The following NRG4 variants were observed in gnomAD, a reference collection of about 807,000 sequenced individuals.
The protein encoded by NRG4 is neuregulin 4.
Under a neutral mutation model 15.0 loss-of-function variants are expected in NRG4, and 10 were observed. The ratio of observed to expected loss-of-function variants is 0.67; its 90% CI spans 0.41 to 1.13. The LOEUF (loss-of-function observed/expected upper bound fraction) is 1.13. NRG4 is among the 50% of genes most tolerant of loss of function. The probability of loss-of-function intolerance (pLI) is 0.00; values close to 1 mark genes in which losing one functional copy is unlikely to be tolerated. For synonymous variants in NRG4, 41 were observed against 50.1 expected, an observed-to-expected ratio of 0.82 and a Z score of 0.77; for missense variants, 139 against 140.2, an observed-to-expected ratio of 0.99 and a Z score of 0.04.
chr15:76,029,108 G>C (rs2035400801), intron 5 of NRG4, among the ~76,000 whole-genome samples: 1 of 152,074 alleles, frequency 6.6e-6, no homozygotes, highest in Admixed American at 6.6e-5. Flanking sequence ...ACCTGATCAA[G>C]TGGGATTTAT....
intron 5 of NRG4, among the ~76,000 whole-genome samples, chr15:76,029,753 A>C (rs1439407633): frequency 6.6e-6 from 1 of 152,218 alleles, no homozygotes; most frequent in Non-Finnish European, 1.5e-5. Flanking sequence ...AAAACTATAA[A>C]ATGCTGATGA....
chr15:76,044,418 C>T (rs1322614375), intron 4 of NRG4, among the ~76,000 whole-genome samples: 1 of 150,856 alleles, frequency 6.6e-6, no homozygotes, highest in Admixed American at 6.6e-5. Flanking sequence ...AACTCGACCC[C>T]TATCTCTCAC....
chr15:76,056,904 T>C (rs1486277936), intron 2 of NRG4: 1 of 152,220 alleles, frequency 6.6e-6, no homozygotes, highest in East Asian at 1.9e-4. Flanking sequence ...TATGTGATCC[T>C]GGTACTCTTG....
At chr15:75,944,919 C>CA (rs1267810499) in intron 5 of NRG4, among the ~76,000 whole-genome samples, 4 of 150,592 alleles carry the variant, frequency 2.7e-5, no homozygotes, top group South Asian at 4.2e-4. Flanking sequence ...CTTTTTCTTA[C>CA]AAAAAAACAA....
intron 4 of NRG4, 108 bp downstream of exon 4, chr15:75,961,715 AAACAT>A: frequency 1.3e-6 from 1 of 742,258 alleles, no homozygotes; most frequent in Middle Eastern, 3.0e-4. Flanking sequence ...AGAGATAACT[AAACAT>A]AATACAGTAT....
intron 5 of NRG4, among the ~76,000 whole-genome samples, chr15:76,020,974 T>C (rs767690248): frequency 4.6e-5 from 7 of 152,258 alleles, no homozygotes; most frequent in Non-Finnish European, 7.3e-5. Flanking sequence ...AGATTTTCAC[T>C]GTAGAACAAC....
intron 5 of NRG4, among the ~76,000 whole-genome samples, chr15:76,019,729 A>G (rs1419849741): frequency 3.9e-5 from 6 of 152,020 alleles, no homozygotes. Flanking sequence ...AGAAATGCAG[A>G]AATCACCCGC....
At chr15:76,003,620 G>A (rs1183456644) in intron 3 of NRG4, among the ~76,000 whole-genome samples, 1 of 152,096 alleles carries the variant, frequency 6.6e-6, no homozygotes, top group Non-Finnish European at 1.5e-5. Flanking sequence ...AACTCAAAGA[G>A]ACCCATAATG....
Position 75,977,828 on chromosome 15 carries a change from A to T in NRG4, c.105-15854T>A, listed in dbSNP as rs187001454. ...TCTTCCAGCTTTTTATTTTTATTTTATTTTTTTAAATGGAGTCTCACTCTG... is the reference window on the plus strand; with the variant it reads ...TCTTCCAGCTTTTTATTTTTATTTTTTTTTTTTAAATGGAGTCTCACTCTG... On this transcript the variant is annotated intron_variant, in intron 3 of 5. Transcript: ENST00000394907. This position sits in a 1 kb window ranked among gnomAD's most constrained non-coding sequence, Gnocchi z 4.9. Among the ~76,000 whole-genome samples the T allele has an allele frequency of 7.6e-3, 1,145 of 151,560 alleles. 12 individuals are homozygous for T. The highest frequency in any genetic ancestry group is 0.026 in the African/African-American group (1,080 of 41,312).
intron 5 of NRG4, among the ~76,000 whole-genome samples, chr15:76,023,568 G>A (rs2035223850): frequency 6.6e-6 from 1 of 152,140 alleles, no homozygotes. Context: ...AACACAAGGT[G>A]TGCACTCCCC....
chr15:75,998,336 G>A (rs987924464), intron 3 of NRG4, among the ~76,000 whole-genome samples: 4 of 152,158 alleles, frequency 2.6e-5, no homozygotes, highest in Non-Finnish European at 4.4e-5. Context: ...GGCGAAGAAT[G>A]GGTTTTACTT....
upstream of NRG4, among the ~76,000 whole-genome samples, chr15:76,015,152 T>C (rs148169013): frequency 4.6e-3 from 704 of 152,282 alleles, 7 homozygotes; most frequent in African/African-American, 0.016. Context: ...TTGTCTGTTA[T>C]TGGTGTATAG....
chr15:76,008,723 C>T (rs895213216), intron 3 of NRG4, among the ~76,000 whole-genome samples: 1 of 152,048 alleles, frequency 6.6e-6, no homozygotes, highest in Admixed American at 6.6e-5. Flanking sequence ...TTATTTGCTA[C>T]CACCATTAGA....
At chr15:76,017,737 AC>A (rs1295551907) in intron 5 of NRG4, among the ~76,000 whole-genome samples, 2 of 151,668 alleles carry the variant, frequency 1.3e-5, no homozygotes, top group African/African-American at 4.8e-5. Context: ...TGGTAACCTG[AC>A]TTTTCTGGCT....
intron 2 of NRG4, among the ~76,000 whole-genome samples, chr15:76,054,057 C>T (rs2036090624): frequency 6.6e-6 from 1 of 150,688 alleles, no homozygotes; most frequent in Admixed American, 6.6e-5. Context: ...CATTTGGGCC[C>T]ATTAATATAC....
chr15:76,057,259 G>C (rs1179252355), intron 1 of NRG4: 1 of 151,914 alleles, frequency 6.6e-6, no homozygotes, highest in African/African-American at 2.4e-5. Flanking sequence ...CCTGATATTA[G>C]ATTTCAAGGT....
intron 3 of NRG4, among the ~76,000 whole-genome samples, chr15:75,967,871 T>A (rs1348572342): frequency 6.6e-6 from 1 of 152,206 alleles, no homozygotes; most frequent in African/African-American, 2.4e-5. Flanking sequence ...TAAGTCTTCA[T>A]AGAGAATAAT....
At chr15:75,948,180 A>T (rs335674) in intron 5 of NRG4, among the ~76,000 whole-genome samples, 142,793 of 152,234 alleles carry the variant, frequency 0.94, 67,283 homozygotes, top group East Asian at 1. Context: ...TTTGTCTAAC[A>T]TTTCTTTGGC....
At chr15:76,013,345 AT>A (rs1158969282), upstream of NRG4, among the ~76,000 whole-genome samples, 1 of 151,992 alleles carries the variant, frequency 6.6e-6, no homozygotes, top group Non-Finnish European at 1.5e-5. Context: ...AAAAATGTTC[AT>A]TATTACATTT....
Sources: allele counts gnomAD v4.1 joint callset (sites outside exome capture counted in the v4.1 genomes callset), GRCh38; gene constraint gnomAD v4.1.1; non-coding constraint Gnocchi (gnomAD v3.1); transcripts MANE v1.5; gene names NCBI Gene and HGNC (gene_info 2026-07-23, HGNC 2026-07-21).